Variants in CNGB3 observed in about 807,000 individuals in gnomAD.
CNGB3 encodes the protein cyclic nucleotide-gated channel beta-3.
A neutral mutation model predicts 92.8 loss-of-function variants in CNGB3; 86 were observed. That is an observed-to-expected ratio of 0.93 (90% CI 0.78 to 1.11). The LOEUF is 1.11. CNGB3 is among the 50% of genes least tolerant of loss of function. The pLI is 0.00. For missense variants in CNGB3, 1,026 were observed against 956.8 expected (o/e 1.07, Z -0.95); for synonymous variants, 333 against 332.7 (o/e 1.00, Z -0.01).
intron 3 of CNGB3, among the ~76,000 whole-genome samples, chr8:86,706,132 A>T (rs1459280257): frequency 2.6e-5 from 4 of 152,222 alleles, no homozygotes; most frequent in African/African-American, 9.6e-5. Context: ...GTGAACTTTT[A>T]AAAATTATAT....
chr8:86,616,028 AAT>A (rs1459255234), intron 13 of CNGB3, among the ~76,000 whole-genome samples: 1 of 152,238 alleles, frequency 6.6e-6, no homozygotes, highest in Non-Finnish European at 1.5e-5. Context: ...AAGTCGGATC[AAT>A]GGGAAACGTG....
chr8:86,742,787 A>G (rs540641541), intron 1 of CNGB3, among the ~76,000 whole-genome samples: 2 of 152,334 alleles, frequency 1.3e-5, no homozygotes, highest in Admixed American at 1.3e-4. Flanking sequence ...TAAAGTACCT[A>G]CCATGTGCTT....
intron 3 of CNGB3, among the ~76,000 whole-genome samples, chr8:86,689,401 T>C (rs1824259296): frequency 6.6e-6 from 1 of 151,854 alleles, no homozygotes. Context: ...TATTACTGTA[T>C]TGGGGCCTAT....
At chr8:86,635,876 A>G (rs1483917645) in intron 10 of CNGB3, among the ~76,000 whole-genome samples, 1 of 140,460 alleles carries the variant, frequency 7.1e-6, no homozygotes, top group Non-Finnish European at 1.6e-5. Flanking sequence ...ACATACACAT[A>G]TACTTAGGCA....
At chr8:86,682,976 T>A (rs553764179) in intron 3 of CNGB3, among the ~76,000 whole-genome samples, 51 of 152,268 alleles carry the variant, frequency 3.3e-4, no homozygotes, top group African/African-American at 1.2e-3. Context: ...TTTGACCACT[T>A]AGAAATTAGG....
At chr8:86,691,094 T>C (rs899356360) in intron 3 of CNGB3, among the ~76,000 whole-genome samples, 4 of 151,870 alleles carry the variant, frequency 2.6e-5, no homozygotes, top group African/African-American at 7.2e-5. Context: ...AATTCTGGTT[T>C]GGTATAATTT....
intron 2 of CNGB3, among the ~76,000 whole-genome samples, chr8:86,736,591 G>T (rs907891571): frequency 6.6e-6 from 1 of 152,120 alleles, no homozygotes; most frequent in African/African-American, 2.4e-5. Context: ...CAGAAAAAAA[G>T]AATTGTAGTT....
intron 8 of CNGB3, among the ~76,000 whole-genome samples, chr8:86,647,566 C>T (rs1456068189): frequency 6.6e-6 from 1 of 150,694 alleles, no homozygotes; most frequent in Non-Finnish European, 1.5e-5. Context: ...ATAAAAACAT[C>T]TGTTATGAGA....
intron 3 of CNGB3, among the ~76,000 whole-genome samples, chr8:86,685,206 A>G (rs1187180248): frequency 2.0e-5 from 3 of 152,054 alleles, no homozygotes; most frequent in Non-Finnish European, 4.4e-5. Context: ...TTTAATTCAT[A>G]AAAAAGGCCT....
intron 14 of CNGB3, among the ~76,000 whole-genome samples, chr8:86,607,800 C>T (rs1036736996): frequency 2.0e-5 from 3 of 152,298 alleles, no homozygotes; most frequent in Admixed American, 6.5e-5. Flanking sequence ...AACTTGGCCC[C>T]AAATGCTGTC....
intron 11 of CNGB3, among the ~76,000 whole-genome samples, chr8:86,630,633 A>C (rs1216988581): frequency 6.6e-6 from 1 of 152,152 alleles, no homozygotes; most frequent in Non-Finnish European, 1.5e-5. Flanking sequence ...TTGGGAGATG[A>C]GGTGGGAGAA....
chr8:86,679,635 C>A (rs993039409), intron 3 of CNGB3, among the ~76,000 whole-genome samples: 1 of 152,114 alleles, frequency 6.6e-6, no homozygotes, highest in Non-Finnish European at 1.5e-5. Context: ...GAGCAATTCT[C>A]CTGTCTCAGC....
chr8:86,629,358 T>C (rs935254942), intron 11 of CNGB3, among the ~76,000 whole-genome samples: 1 of 152,190 alleles, frequency 6.6e-6, no homozygotes, highest in African/African-American at 2.4e-5. Context: ...ATAAGACCTG[T>C]AGGACAAACC....
Position 86,681,359 on chromosome 8 carries a change from G to A in CNGB3, c.339-10261C>T, listed in dbSNP as rs76478958. Among the ~76,000 whole-genome samples the A allele has an allele frequency of 9.5e-3, 1,451 of 152,214 alleles. 23 individuals are homozygous for A. The highest frequency in any genetic ancestry group is 0.033 in the African/African-American group (1,369 of 41,518). ...TAAACTGCCGAATGAACACAACAGA[G>A]GAGAGAATGAGTTGAAGAATTCTCC... On this transcript the variant is annotated intron_variant, in intron 3 of 17. Coordinates refer to ENST00000320005, the MANE Select transcript of CNGB3 (RefSeq NM_019098.5).
intron 8 of CNGB3, among the ~76,000 whole-genome samples, chr8:86,645,402 C>T (rs1468380746): frequency 6.6e-6 from 1 of 151,248 alleles, no homozygotes; most frequent in African/African-American, 2.4e-5. Context: ...TCTATCTCTA[C>T]CACTTACTAC....
At chr8:86,733,027 T>G (rs1192503396) in intron 2 of CNGB3, among the ~76,000 whole-genome samples, 3 of 152,166 alleles carry the variant, frequency 2.0e-5, no homozygotes, top group Non-Finnish European at 2.9e-5. Context: ...TTTCTTTTTT[T>G]TTGTTATTAT....
chr8:86,728,735 C>T (rs899867806), intron 2 of CNGB3, among the ~76,000 whole-genome samples: 3 of 151,926 alleles, frequency 2.0e-5, no homozygotes, highest in Non-Finnish European at 4.4e-5. Flanking sequence ...CAAAGGAGTC[C>T]GGACCAAGAA....
At chr8:86,640,208 G>A (rs542209992) in intron 10 of CNGB3, among the ~76,000 whole-genome samples, 3 of 151,984 alleles carry the variant, frequency 2.0e-5, no homozygotes, top group Admixed American at 6.6e-5. Flanking sequence ...TTGCTTTATG[G>A]TTTTCTTTGA....
chr8:86,603,139 G>A (rs1161802305), intron 15 of CNGB3, among the ~76,000 whole-genome samples: 1 of 152,108 alleles, frequency 6.6e-6, no homozygotes, highest in South Asian at 2.1e-4. Context: ...TCTAAGTTGT[G>A]TCCTGTTACT....
Sources: gnomAD v4.1 joint callset for allele counts (sites outside exome capture counted in the v4.1 genomes callset) on GRCh38, gnomAD v4.1.1 for gene constraint, MANE v1.5 for transcripts, NCBI Gene and HGNC (gene_info 2026-07-23, HGNC 2026-07-21) for gene names.